Variants in TLE4 observed in about 807,000 individuals in gnomAD.
TLE4 encodes TLE family member 4, transcriptional corepressor.
TLE4 carries 8 observed loss-of-function variants against 92.8 expected under a neutral mutation model. The observed-to-expected ratio is 0.09, with a 90% CI of 0.05 to 0.16. The LOEUF (loss-of-function observed/expected upper bound fraction) is 0.16. TLE4 is among the 10% of genes least tolerant of loss of function. TLE4 has a pLI of 1.00. For synonymous variants in TLE4, 371 were observed against 374.1 expected (o/e 0.99, Z 0.10); for missense variants, 675 against 997.6 (o/e 0.68, Z 4.36).
At chr9:79,576,061 G>T in intron 3 of TLE4, 72 bp from the exon 4 acceptor site, 2 of 1,042,540 alleles carry the variant, frequency 1.9e-6, no homozygotes, top group Non-Finnish European at 1.3e-6. Flanking sequence ...GATTTACTTG[G>T]GGCATTTTGA....
At chr9:79,721,655 T>A in intron 16 of TLE4, 86 bp from the exon 17 acceptor site, 1 of 1,574,356 alleles carries the variant, frequency 6.4e-7, no homozygotes, top group Non-Finnish European at 8.6e-7. Flanking sequence ...AGGCCTGCAT[T>A]GAAATTGAAT....
intron 8 of TLE4, among the ~76,000 whole-genome samples, chr9:79,690,031 G>A (rs1343171628): frequency 6.6e-6 from 1 of 152,110 alleles, no homozygotes; most frequent in Non-Finnish European, 1.5e-5. Flanking sequence ...CCGGTCCTTT[G>A]AATTATTTAC....
At chr9:79,582,018 A>G (rs971587003) in intron 4 of TLE4, among the ~76,000 whole-genome samples, 2 of 152,090 alleles carry the variant, frequency 1.3e-5, no homozygotes, top group Non-Finnish European at 2.9e-5. Context: ...CCTATTTCTC[A>G]TTTGTTTACA....
chr9:79,598,530 C>T (rs117423373), intron 4 of TLE4, among the ~76,000 whole-genome samples: 2,101 of 152,232 alleles, frequency 0.014, 25 homozygotes, highest in Non-Finnish European at 0.018. Context: ...GGGAAATAGT[C>T]CTCTAAAAAG....
intron 4 of TLE4, among the ~76,000 whole-genome samples, chr9:79,594,231 T>C (rs2043388734): frequency 6.6e-6 from 1 of 152,236 alleles, no homozygotes; most frequent in African/African-American, 2.4e-5. Context: ...TGGTGCATGA[T>C]ACTCTCCATT....
chr9:79,663,045 TGGGTGG>T (rs57059626), intron 8 of TLE4, among the ~76,000 whole-genome samples: 80 of 109,944 alleles, frequency 7.3e-4, no homozygotes, highest in East Asian at 6.3e-3. Flanking sequence ...CCTCCCAACC[TGGGTGG>T]GGGTGGGGGT....
intron 8 of TLE4, among the ~76,000 whole-genome samples, chr9:79,688,621 A>G (rs2135467611): frequency 6.6e-6 from 1 of 151,944 alleles, no homozygotes; most frequent in East Asian, 2.0e-4. Context: ...GACACTAAAC[A>G]CTGAGGCTTT....
chr9:79,586,528 A>G (rs2041150294), intron 4 of TLE4, among the ~76,000 whole-genome samples: 1 of 152,226 alleles, frequency 6.6e-6, no homozygotes, highest in African/African-American at 2.4e-5. Flanking sequence ...GGTAGGTGTC[A>G]GTTTCTCTAG....
intron 8 of TLE4, among the ~76,000 whole-genome samples, chr9:79,660,047 C>G (rs1198699436): frequency 6.6e-6 from 1 of 152,174 alleles, no homozygotes; most frequent in Non-Finnish European, 1.5e-5. Flanking sequence ...GTCCCATTCT[C>G]CCATCATAAG....
intron 17 of TLE4, 120 bp from the exon 18 acceptor site, chr9:79,722,331 A>C (rs749439612): frequency 4.7e-6 from 6 of 1,269,326 alleles, no homozygotes; most frequent in Non-Finnish European, 6.4e-6. Context: ...CCCCTGTACA[A>C]TTCAAATTAT....
chr9:79,723,169 C>T (rs901558159), intron 19 of TLE4, 134 bp downstream of exon 19: 18 of 820,414 alleles, frequency 2.2e-5, no homozygotes, highest in Non-Finnish European at 3.4e-5. Context: ...GAGAAGGAAA[C>T]TGTGTCCAAG....
intron 8 of TLE4, among the ~76,000 whole-genome samples, chr9:79,698,268 C>G (rs1299186668): frequency 6.6e-6 from 1 of 152,210 alleles, no homozygotes; most frequent in Non-Finnish European, 1.5e-5. Flanking sequence ...GACACTGCCT[C>G]TCTTCTGTTA....
chr9:79,660,842 C>T (rs2060427922), intron 8 of TLE4, among the ~76,000 whole-genome samples: 1 of 152,176 alleles, frequency 6.6e-6, no homozygotes, highest in Non-Finnish European at 1.5e-5. Context: ...ATGTGAGTGA[C>T]TCGGGGAGAC....
chr9:79,575,816 T>TA (rs2037575176), intron 3 of TLE4: 2 of 225,634 alleles, frequency 8.9e-6, no homozygotes, highest in Non-Finnish European at 1.7e-5. Context: ...GCTTAGGAAT[T>TA]AAGAGTCCGT....
chr9:79,700,800 C>T (rs1308730588), intron 8 of TLE4, among the ~76,000 whole-genome samples: 2 of 152,066 alleles, frequency 1.3e-5, no homozygotes, highest in Admixed American at 1.3e-4. Context: ...TCAGCCATTG[C>T]TTGTGACCGT....
intron 6 of TLE4, among the ~76,000 whole-genome samples, chr9:79,648,264 C>T (rs549103454): frequency 0.023 from 3,510 of 152,254 alleles, 70 homozygotes; most frequent in Admixed American, 0.069. Context: ...GTTTAGGGAA[C>T]TGAGCTAGGT....
chr9:79,658,623 T>G (rs887630395), intron 8 of TLE4, among the ~76,000 whole-genome samples: 2 of 152,202 alleles, frequency 1.3e-5, no homozygotes, highest in African/African-American at 2.4e-5. Flanking sequence ...AAAGCACTTT[T>G]GCCTCATTAA....
At chr9:79,573,293 C>T (rs1327266169) in intron 1 of TLE4, 3 of 1,031,990 alleles carry the variant, frequency 2.9e-6, no homozygotes, top group South Asian at 3.6e-5. Context: ...GGGTGGCGGC[C>T]GCCTCCCTCC....
At chr9:79,597,381 A>G (rs1053900585) in intron 4 of TLE4, among the ~76,000 whole-genome samples, 2 of 152,188 alleles carry the variant, frequency 1.3e-5, no homozygotes, top group Admixed American at 1.3e-4. Flanking sequence ...AAATCCTACC[A>G]GTATTTCCAA....
Sources: allele counts gnomAD v4.1 joint callset (sites outside exome capture counted in the v4.1 genomes callset), GRCh38; gene constraint gnomAD v4.1.1; transcripts MANE v1.5; gene names NCBI Gene and HGNC (gene_info 2026-07-23, HGNC 2026-07-21).